TSC22D1: variants seen among roughly 807,000 people sequenced by gnomAD.
TSC22D1 encodes the protein TSC22 domain family protein 1.
Under a neutral mutation model 74.2 loss-of-function variants are expected in TSC22D1, and 9 were observed. The ratio of observed to expected loss-of-function variants is 0.12; its 90% CI spans 0.07 to 0.21. The LOEUF is 0.21. TSC22D1 is among the 10% of genes least tolerant of loss of function. TSC22D1 has a pLI of 1.00. For missense variants in TSC22D1, 1,427 were observed against 1,304.7 expected, an observed-to-expected ratio of 1.09 and a Z score of -1.44; for synonymous variants, 586 against 492.5, an observed-to-expected ratio of 1.19 and a Z score of -2.51.
At chr13:44,456,269 G>A (rs1246999974) in intron 1 of TSC22D1, among the ~76,000 whole-genome samples, 2 of 152,196 alleles carry the variant, frequency 1.3e-5, no homozygotes, top group African/African-American at 2.4e-5. Context: ...GCTGCTGCTG[G>A]CTGGAGTAGC....
intron 1 of TSC22D1, among the ~76,000 whole-genome samples, chr13:44,498,026 T>C (rs1391847696): frequency 1.3e-5 from 2 of 150,980 alleles, no homozygotes; most frequent in African/African-American, 2.4e-5. Flanking sequence ...TCCTCCACTA[T>C]ACAGAGGGTG....
intron 1 of TSC22D1, among the ~76,000 whole-genome samples, chr13:44,499,113 T>C (rs1260166854): frequency 6.6e-6 from 1 of 152,240 alleles, no homozygotes; most frequent in Non-Finnish European, 1.5e-5. Context: ...TCTTTAGAGT[T>C]TGACATAGTT....
intron 1 of TSC22D1, among the ~76,000 whole-genome samples, chr13:44,564,362 A>C (rs1311335098): frequency 6.6e-6 from 1 of 152,206 alleles, no homozygotes; most frequent in Non-Finnish European, 1.5e-5. Flanking sequence ...AACTGTAATA[A>C]GCATTATAAA....
At chr13:44,554,654 A>G (rs919853572) in intron 1 of TSC22D1, among the ~76,000 whole-genome samples, 18 of 147,538 alleles carry the variant, frequency 1.2e-4, no homozygotes, top group African/African-American at 4.0e-4. Flanking sequence ...AAAAAAAAAA[A>G]GAGGTACTGT....
rs113537658 is a variant in TSC22D1, at chr13:44,573,186, G to C, written c.2889C>G (p.Pro963=). 1,909 of 1,614,116 alleles carry C rather than the reference G, an allele frequency of 1.2e-3. 9 individuals are homozygous for C. In the Middle Eastern group the frequency reaches 0.013, roughly 11 times the overall value. Reference sequence around the variant, plus strand: ...ACCTCTCATCCTCGCCATCCACCAGGGGTGTCGTCAGCGGTAGCACCTTCA... The same window carrying C: ...ACCTCTCATCCTCGCCATCCACCAGCGGTGTCGTCAGCGGTAGCACCTTCA... ...FPLKVLPLTT[P]LVDGEDESSS... is the part of the protein sequence containing the mutation. The change falls in exon 1 of 3, where the codon CCC becomes CCG. Residue 963 remains proline (P), a synonymous_variant. Coordinates refer to ENST00000458659, the MANE Select transcript of TSC22D1 (RefSeq NM_183422.4).
chr13:44,506,904 T>C (rs1261781406), intron 1 of TSC22D1, among the ~76,000 whole-genome samples: 1 of 152,102 alleles, frequency 6.6e-6, no homozygotes, highest in African/African-American at 2.4e-5. Context: ...ATGGGATGAA[T>C]GTGTACACAG....
At chr13:44,563,479 C>A (rs1270740783) in intron 1 of TSC22D1, among the ~76,000 whole-genome samples, 1 of 152,212 alleles carries the variant, frequency 6.6e-6, no homozygotes, top group Non-Finnish European at 1.5e-5. Context: ...TTACACTAAT[C>A]TTCCCTGAAC....
chr13:44,533,143 G>A (rs1880947832), intron 1 of TSC22D1, among the ~76,000 whole-genome samples: 1 of 152,118 alleles, frequency 6.6e-6, no homozygotes, highest in African/African-American at 2.4e-5. Context: ...CATGGGAGCG[G>A]GGGCCAGGCA....
intron 1 of TSC22D1, among the ~76,000 whole-genome samples, chr13:44,488,334 AC>A (rs1316430958): frequency 3.3e-5 from 5 of 152,150 alleles, no homozygotes; most frequent in African/African-American, 4.8e-5. Context: ...AAGATTTAGT[AC>A]CCCCCCAAAA....
chr13:44,513,701 C>G (rs1243225241), intron 1 of TSC22D1, among the ~76,000 whole-genome samples: 1 of 152,202 alleles, frequency 6.6e-6, no homozygotes, highest in East Asian at 1.9e-4. Context: ...ACCCTAACAA[C>G]AGGAGACATA....
At position 44,433,916 on chromosome 13, in the gene TSC22D1, G is replaced by A. The variant is rs1291923064; in HGVS notation, c.*710C>T. The A allele has an allele frequency of 4.2e-6, 6 of 1,443,794 alleles. No individual in the cohort carries two copies. The highest frequency in any genetic ancestry group is 1.4e-5 in the African/African-American group (1 of 69,286). The allele number at this position is 1,443,794 out of a possible 1,614,324, so 89.4% of individuals were successfully genotyped here. On this transcript the variant is annotated 3_prime_UTR_variant, in exon 3 of 3. Transcript: ENST00000458659. ...CAATGAAACAACTAAATTTCAATCT[G>A]TACAACCTAAATAGTAGTTACAGTC... is the stretch of plus-strand genomic sequence containing the variant.
Position 44,473,281 on chromosome 13 carries a change from G to A in TSC22D1, c.2913-37186C>T, listed in dbSNP as rs549750548. ...AGGCCAACGCAGGTGGATCACTTGA[G>A]GTCAGGAGTTTGAGACCAGCCTGAG... On this transcript the variant is annotated intron_variant, in intron 1 of 2. Transcript: ENST00000458659. 2.6e-5 allele frequency among the ~76,000 whole-genome samples: 4 copies of A among 152,252 alleles called. No homozygotes were observed. The South Asian group carries it at 6.2e-4, about 24-fold the overall frequency.
chr13:44,433,858 C>G lies in TSC22D1; in HGVS notation c.*768G>C, dbSNP rs572048670. On this transcript the variant is annotated 3_prime_UTR_variant, in exon 3 of 3. Transcript: ENST00000458659. ...GTCATGTAGCAGTTTTTATGTAGATCTATATATAAAAGTCCACACCTCCTC... is the reference window on the plus strand; with the variant it reads ...GTCATGTAGCAGTTTTTATGTAGATGTATATATAAAAGTCCACACCTCCTC... 2.3e-6 allele frequency: 2 copies of G among 880,878 alleles called. No individual in the cohort carries two copies. The highest frequency in any genetic ancestry group is 1.6e-6 in the Non-Finnish European group (1 of 620,194). 54.6% of individuals were successfully genotyped at this position (880,878 alleles called of 1,614,324 possible).
intron 1 of TSC22D1, among the ~76,000 whole-genome samples, chr13:44,466,747 G>A (rs1488842932): frequency 1.3e-5 from 2 of 151,830 alleles, no homozygotes; most frequent in African/African-American, 2.4e-5. Context: ...TCCAGCCTGG[G>A]TGACAGAATG....
At chr13:44,505,382 T>C (rs978529460) in intron 1 of TSC22D1, among the ~76,000 whole-genome samples, 3 of 152,122 alleles carry the variant, frequency 2.0e-5, no homozygotes, top group African/African-American at 7.2e-5. Flanking sequence ...GGCAAGACCC[T>C]GTATCTACAA....
intron 1 of TSC22D1, among the ~76,000 whole-genome samples, chr13:44,450,047 T>C (rs2138905387): frequency 6.6e-6 from 1 of 152,270 alleles, no homozygotes; most frequent in Middle Eastern, 3.4e-3. Context: ...TTTGAGTGTA[T>C]ATAAAAAATG....
Position 44,434,716 on chromosome 13 carries a change from C to T in TSC22D1, c.3132G>A (p.Gln1044=), listed in dbSNP as rs1874390183. The T allele has an allele frequency of 1.9e-6, 3 of 1,612,692 alleles. No homozygotes were observed. The East Asian group carries it at 6.7e-5, about 36-fold the overall frequency. ...EQLAQFQAQL[Q]TGSPPATTQP... The stretch of plus-strand genomic sequence containing the variant: ...GGGTGGTGGCAGGGGGGGAGCCAGT[C>T]TGCAGCTGGGCCTGAAACTGGGCAA... Residue 1044 remains glutamine (Q), a synonymous_variant, in exon 3 of 3, where the codon CAG becomes CAA. Coordinates refer to ENST00000458659, the MANE Select transcript of TSC22D1 (RefSeq NM_183422.4).
chr13:44,541,667 G>T (rs1191869881), intron 1 of TSC22D1, among the ~76,000 whole-genome samples: 1 of 152,034 alleles, frequency 6.6e-6, no homozygotes, highest in African/African-American at 2.4e-5. Flanking sequence ...CAATGAGGAG[G>T]TATATGATGG....
chr13:44,448,308 A>G (rs1374335750), intron 1 of TSC22D1, among the ~76,000 whole-genome samples: 1 of 152,188 alleles, frequency 6.6e-6, no homozygotes, highest in Non-Finnish European at 1.5e-5. Context: ...GTTAAATTCC[A>G]GAAGAAAACA....
Sources: allele counts gnomAD v4.1 joint callset (sites outside exome capture counted in the v4.1 genomes callset), GRCh38; gene constraint gnomAD v4.1.1; transcripts MANE v1.5; gene names NCBI Gene and HGNC (gene_info 2026-07-23, HGNC 2026-07-21).